WWOX: variants seen among roughly 807,000 people sequenced by gnomAD.
The protein encoded by WWOX is WW domain containing oxidoreductase, also known as WW domain-containing oxidoreductase.
In WWOX, 69 loss-of-function variants were observed where a neutral mutation model predicts 46.2. The ratio of observed to expected loss-of-function variants is 1.49; its 90% CI spans 1.23 to 1.82. The LOEUF is 1.82. WWOX is among the 40% of genes most tolerant of loss of function. The pLI is 0.00. For missense variants in WWOX, 919 were observed against 542.6 expected, an observed-to-expected ratio of 1.69 and a Z score of -6.89; for synonymous variants, 359 against 202.6, an observed-to-expected ratio of 1.77 and a Z score of -6.56.
intron 8 of WWOX, among the ~76,000 whole-genome samples, chr16:78,725,232 G>T (rs1043380250): frequency 6.6e-6 from 1 of 151,276 alleles, no homozygotes; most frequent in Admixed American, 6.6e-5. Context: ...CACTATGATT[G>T]TGAGGTCTCC....
intron 8 of WWOX, among the ~76,000 whole-genome samples, chr16:78,573,259 C>G (rs561454970): frequency 1.3e-5 from 2 of 152,312 alleles, no homozygotes; most frequent in East Asian, 1.9e-4. Flanking sequence ...GCACTCCAGC[C>G]TGGGCAACAC....
intron 8 of WWOX, among the ~76,000 whole-genome samples, chr16:78,740,753 C>A (rs1192135583): frequency 3.9e-5 from 6 of 152,104 alleles, no homozygotes. Flanking sequence ...AAATGCAGGT[C>A]CACCCTGGTG....
chr16:78,970,908 T>C (rs1373515772), intron 8 of WWOX, among the ~76,000 whole-genome samples: 1 of 152,068 alleles, frequency 6.6e-6, no homozygotes, highest in East Asian at 1.9e-4. Context: ...TTTGCTTCTG[T>C]CTTTTGCTAT....
intron 8 of WWOX, among the ~76,000 whole-genome samples, chr16:79,061,243 G>A (rs376175275): frequency 6.6e-6 from 1 of 152,162 alleles, no homozygotes; most frequent in Non-Finnish European, 1.5e-5. Context: ...GCCCTATCTG[G>A]ATTCCAAATT....
intron 8 of WWOX, among the ~76,000 whole-genome samples, chr16:78,464,844 A>C (rs1273388598): frequency 6.6e-6 from 1 of 152,228 alleles, no homozygotes; most frequent in Admixed American, 6.5e-5. Flanking sequence ...GAAAGAAGAA[A>C]TAAAACATAT....
chr16:78,911,035 C>T (rs939865372), intron 8 of WWOX, among the ~76,000 whole-genome samples: 84 of 151,918 alleles, frequency 5.5e-4, no homozygotes, highest in African/African-American at 2.0e-3. Flanking sequence ...TAAAAAATGG[C>T]TTTCCCACAG....
chr16:78,497,623 T>G (rs2151470325), intron 8 of WWOX, among the ~76,000 whole-genome samples: 1 of 152,300 alleles, frequency 6.6e-6, no homozygotes, highest in East Asian at 1.9e-4. Context: ...AAGAATCTGA[T>G]GTAAAAATGG....
intron 5 of WWOX, among the ~76,000 whole-genome samples, chr16:78,249,780 G>A (rs1443870168): frequency 2.6e-5 from 4 of 151,612 alleles, no homozygotes; most frequent in East Asian, 1.9e-4. Context: ...AAACTAGAAC[G>A]TGGCTTTTGA....
intron 8 of WWOX, chr16:78,757,069 G>T: frequency 1.4e-6 from 1 of 700,926 alleles, no homozygotes; most frequent in Non-Finnish European, 2.6e-6. Flanking sequence ...GCCTTGAGGT[G>T]ATTGCAGCCT....
At chr16:78,448,251 CG>C (rs1046812221) in intron 8 of WWOX, among the ~76,000 whole-genome samples, 1 of 152,082 alleles carries the variant, frequency 6.6e-6, no homozygotes, top group African/African-American at 2.4e-5. Context: ...TAATGCATAA[CG>C]GGGGAGTAAA....
chr16:78,347,768 G>A (rs2081118015), intron 5 of WWOX, among the ~76,000 whole-genome samples: 1 of 121,908 alleles, frequency 8.2e-6, no homozygotes, highest in South Asian at 2.4e-4. Flanking sequence ...GGCAATTTCT[G>A]ATTATAATTT....
intron 8 of WWOX, among the ~76,000 whole-genome samples, chr16:78,495,002 G>T (rs1375203275): frequency 1.3e-5 from 2 of 152,098 alleles, no homozygotes; most frequent in African/African-American, 4.8e-5. Context: ...GAAACCCAGG[G>T]GGTCAAGCCC....
chr16:78,862,526 A>T (rs2043913601), intron 8 of WWOX, among the ~76,000 whole-genome samples: 1 of 152,118 alleles, frequency 6.6e-6, no homozygotes, highest in Non-Finnish European at 1.5e-5. Context: ...AGATATATAT[A>T]AAGATTTTTA....
intron 8 of WWOX, among the ~76,000 whole-genome samples, chr16:78,783,860 CTGA>C (rs1199142504): frequency 1.4e-5 from 2 of 140,604 alleles, no homozygotes; most frequent in Non-Finnish European, 1.5e-5. Flanking sequence ...TGATATGACG[CTGA>C]TGATGGTGAT....
intron 8 of WWOX, among the ~76,000 whole-genome samples, chr16:78,937,330 C>G (rs1303482145): frequency 1.3e-5 from 2 of 151,654 alleles, no homozygotes; most frequent in African/African-American, 2.4e-5. Context: ...TAATTTGATA[C>G]AGGTGTCAGA....
chr16:78,553,897 G>A (rs1597256588), intron 8 of WWOX, among the ~76,000 whole-genome samples: 1 of 152,048 alleles, frequency 6.6e-6, no homozygotes, highest in Non-Finnish European at 1.5e-5. Flanking sequence ...GAGTTTAAGA[G>A]AGCAAACTCC....
intron 2 of WWOX, among the ~76,000 whole-genome samples, chr16:78,109,241 C>G (rs937452499): frequency 6.6e-6 from 1 of 152,018 alleles, no homozygotes; most frequent in African/African-American, 2.4e-5. Flanking sequence ...GATCCCAGCC[C>G]TTTGGGAGGC....
intron 8 of WWOX, among the ~76,000 whole-genome samples, chr16:78,683,777 C>T (rs559761065): frequency 6.6e-6 from 1 of 152,076 alleles, no homozygotes; most frequent in Non-Finnish European, 1.5e-5. Flanking sequence ...ATCCAACAGT[C>T]GTGATTTAGG....
chr16:78,592,777 G>T (rs1038746409), intron 8 of WWOX, among the ~76,000 whole-genome samples: 3 of 152,118 alleles, frequency 2.0e-5, no homozygotes, highest in African/African-American at 4.8e-5. Flanking sequence ...GGCTGGGGTG[G>T]CCACTCCACC....
Sources: gnomAD v4.1 joint callset for allele counts (sites outside exome capture counted in the v4.1 genomes callset) on GRCh38, gnomAD v4.1.1 for gene constraint, MANE v1.5 for transcripts, NCBI Gene and HGNC (gene_info 2026-07-23, HGNC 2026-07-21) for gene names.